RORA: variants seen among roughly 807,000 people sequenced by gnomAD.
The protein encoded by RORA is nuclear receptor ROR-alpha.
In RORA, 7 loss-of-function variants were observed where a neutral mutation model predicts 69.5. The observed-to-expected ratio is 0.10, with a 90% CI of 0.06 to 0.19. The LOEUF is 0.19. Ranked by LOEUF, RORA falls within the 10% of genes least tolerant of loss-of-function variation. RORA has a pLI of 1.00. For synonymous variants in RORA, 261 were observed against 240.8 expected (o/e 1.08, Z -0.78); for missense variants, 457 against 663.0 (o/e 0.69, Z 3.41).
At chr15:61,059,409 T>C (rs550614166) in intron 1 of RORA, among the ~76,000 whole-genome samples, 1 of 152,376 alleles carries the variant, frequency 6.6e-6, no homozygotes, top group South Asian at 2.1e-4. Context: ...CTGTAGATAA[T>C]ATTTAATTGT....
At chr15:61,205,465 T>C (rs1271178802) in intron 1 of RORA, among the ~76,000 whole-genome samples, 1 of 152,210 alleles carries the variant, frequency 6.6e-6, no homozygotes, top group Non-Finnish European at 1.5e-5. Context: ...TTGTCAGGAT[T>C]GCACGCAGGA....
At chr15:60,501,900 TA>T (rs1304334182) in intron 8 of RORA, among the ~76,000 whole-genome samples, 1 of 152,210 alleles carries the variant, frequency 6.6e-6, no homozygotes, top group African/African-American at 2.4e-5. Flanking sequence ...ATATAACTTT[TA>T]AAAAAATCAC....
intron 1 of RORA, among the ~76,000 whole-genome samples, chr15:60,913,021 A>C (rs910668375): frequency 1.3e-5 from 2 of 152,264 alleles, no homozygotes; most frequent in Admixed American, 1.3e-4. Context: ...TCAATTTGAA[A>C]AAAATAGTGC....
chr15:60,566,984 G>A (rs1003677898), intron 2 of RORA, among the ~76,000 whole-genome samples: 1 of 152,124 alleles, frequency 6.6e-6, no homozygotes, highest in African/African-American at 2.4e-5. Context: ...AGAACAGAAA[G>A]GAGTCTGTTT....
At chr15:60,636,986 G>A (rs1364101658) in intron 2 of RORA, among the ~76,000 whole-genome samples, 1 of 151,798 alleles carries the variant, frequency 6.6e-6, no homozygotes, top group African/African-American at 2.4e-5. Flanking sequence ...CCTAATAAAG[G>A]ACATTCAGAG....
intron 1 of RORA, among the ~76,000 whole-genome samples, chr15:60,884,693 C>A (rs913915298): frequency 6.6e-6 from 1 of 152,176 alleles, no homozygotes; most frequent in Admixed American, 6.5e-5. Flanking sequence ...AGTTTATTGA[C>A]TCTATTAAGG....
intron 1 of RORA, among the ~76,000 whole-genome samples, chr15:60,786,385 A>C (rs2072334256): frequency 6.6e-6 from 1 of 152,202 alleles, no homozygotes; most frequent in South Asian, 2.1e-4. Flanking sequence ...AAAAGTATCC[A>C]CCTCCTTAAC....
intron 1 of RORA, among the ~76,000 whole-genome samples, chr15:60,909,068 T>C (rs1891626602): frequency 6.6e-6 from 1 of 152,136 alleles, no homozygotes; most frequent in African/African-American, 2.4e-5. Context: ...AGTTGAAGCA[T>C]GTCCTGGAAA....
intron 1 of RORA, among the ~76,000 whole-genome samples, chr15:60,863,911 A>G (rs1176926175): frequency 6.6e-6 from 1 of 151,944 alleles, no homozygotes; most frequent in Non-Finnish European, 1.5e-5. Context: ...GGTTCAAGCA[A>G]TTCTTCTTCC....
chr15:61,148,375 G>C (rs2140871466), intron 1 of RORA, among the ~76,000 whole-genome samples: 1 of 152,262 alleles, frequency 6.6e-6, no homozygotes, highest in South Asian at 2.1e-4. Context: ...GATGGTGCCG[G>C]AATTCTGCCT....
intron 1 of RORA, among the ~76,000 whole-genome samples, chr15:61,003,781 G>A (rs904023916): frequency 6.6e-6 from 1 of 152,144 alleles, no homozygotes; most frequent in African/African-American, 2.4e-5. Context: ...AGAAGTGGCT[G>A]AAATCTGGGG....
At position 60,798,298 on chromosome 15, in the gene RORA, T is replaced by G. The variant is rs116688294; in HGVS notation, c.167-119612A>C. Reference sequence around the variant, plus strand: ...CTGCAGTGTACTTACAAAATATGTATGGAATATTTTACCTATGAAATATAC... The same window carrying G: ...CTGCAGTGTACTTACAAAATATGTAGGGAATATTTTACCTATGAAATATAC... On this transcript the variant is annotated intron_variant, in intron 1 of 10. Coordinates refer to ENST00000335670, the MANE Select transcript of RORA (RefSeq NM_134261.3). Among the ~76,000 whole-genome samples, 630 of 151,914 alleles carry G rather than the reference T, an allele frequency of 4.1e-3. 3 individuals are homozygous for G. The highest frequency in any genetic ancestry group is 0.015 in the African/African-American group (612 of 41,384).
rs28707385 is a variant in RORA at position 61,213,048 on chromosome 15, C to T, written c.166+16005G>A. Among the ~76,000 whole-genome samples, 4,333 of 152,170 alleles carry T rather than the reference C, an allele frequency of 0.028. 202 individuals carry two copies. The highest frequency in any genetic ancestry group is 0.096 in the African/African-American group (3,968 of 41,470). ...TGCTCCCTGCTAGACCCCCATTCCCCGCTGCCCATCAGATATGTCCCTGGA... is the reference window on the plus strand; with the variant it reads ...TGCTCCCTGCTAGACCCCCATTCCCTGCTGCCCATCAGATATGTCCCTGGA... On this transcript the variant is annotated intron_variant, in intron 1 of 10. Coordinates refer to ENST00000335670, the MANE Select transcript of RORA (RefSeq NM_134261.3). This position sits in a 1 kb window ranked among gnomAD's most constrained non-coding sequence, Gnocchi z 4.1.
chr15:60,993,173 G>T (rs1015586091), intron 1 of RORA, among the ~76,000 whole-genome samples: 42 of 152,270 alleles, frequency 2.8e-4, no homozygotes, highest in African/African-American at 9.4e-4. Context: ...TACCCTGCAG[G>T]TCTCTGAGAA....
At chr15:60,630,381 T>A (rs117212027) in intron 2 of RORA, 1 of 152,338 alleles carries the variant, frequency 6.6e-6, no homozygotes, top group Non-Finnish European at 1.5e-5. Flanking sequence ...GTGTGTCTTG[T>A]CTTTGTATGC....
intron 1 of RORA, among the ~76,000 whole-genome samples, chr15:60,740,557 G>A (rs570968678): frequency 2.8e-4 from 42 of 152,308 alleles, no homozygotes; most frequent in African/African-American, 8.9e-4. Flanking sequence ...GTAAATAACA[G>A]TAATTCCTTC....
chr15:60,897,544 T>A (rs1285180188), intron 1 of RORA, among the ~76,000 whole-genome samples: 1 of 152,206 alleles, frequency 6.6e-6, no homozygotes, highest in African/African-American at 2.4e-5. Flanking sequence ...GATAAAAGTT[T>A]CCATGTCTGA....
chr15:60,574,689 C>T (rs2067976811), intron 2 of RORA, among the ~76,000 whole-genome samples: 1 of 152,158 alleles, frequency 6.6e-6, no homozygotes, highest in Non-Finnish European at 1.5e-5. Flanking sequence ...AAGTACCTTC[C>T]ATGTGTTACT....
chr15:60,635,255 C>T (rs2069814704), intron 2 of RORA, among the ~76,000 whole-genome samples: 1 of 152,140 alleles, frequency 6.6e-6, no homozygotes, highest in Admixed American at 6.5e-5. Flanking sequence ...GGATAATGTG[C>T]TGTTTTAACT....
Sources: gnomAD v4.1 joint callset for allele counts (sites outside exome capture counted in the v4.1 genomes callset) on GRCh38, gnomAD v4.1.1 for gene constraint, Gnocchi (gnomAD v3.1) non-coding constraint, MANE v1.5 for transcripts, NCBI Gene and HGNC (gene_info 2026-07-23, HGNC 2026-07-21) for gene names.